The following SEMA4F variants were observed in gnomAD, a reference collection of about 807,000 sequenced individuals.
The protein encoded by SEMA4F is ssemaphorin 4F.
Under a neutral mutation model 78.4 loss-of-function variants are expected in SEMA4F, and 51 were observed. The observed-to-expected ratio is 0.65, with a 90% confidence interval of 0.52 to 0.82. The LOEUF is 0.82. Among genes scored for constraint, SEMA4F ranks in the 40% least tolerant of loss-of-function variants. The pLI is 0.00. For missense variants in SEMA4F, 938 were observed against 1,014.4 expected, an observed-to-expected ratio of 0.92 and a Z score of 1.02; for synonymous variants, 418 against 408.7, an observed-to-expected ratio of 1.02 and a Z score of -0.27.
chr2:74,660,048 A>T lies in SEMA4F; in HGVS notation c.456+2097A>T, dbSNP rs10203653. On this transcript the variant is annotated intron_variant, in intron 4 of 13. Coordinates refer to ENST00000357877, the MANE Select transcript of SEMA4F (RefSeq NM_004263.5). ...AAATGTTAGACTTCTAACAACAACA[A>T]CAACAAACAGCAACAATGACAACCA... 9.0e-3 allele frequency among the ~76,000 whole-genome samples: 1,375 copies of T among 152,320 alleles called. 28 individuals are homozygous for T. Among genetic ancestry groups the T allele is most frequent in the African/African-American group, 0.031 (1,279 of 41,570 alleles).
chr2:74,678,311 C>T (rs931954255), intron 12 of SEMA4F, among the ~76,000 whole-genome samples: 5 of 152,068 alleles, frequency 3.3e-5, no homozygotes, highest in African/African-American at 7.2e-5. Flanking sequence ...TTCTTGTGTA[C>T]ATTGCCCATA....
Position 74,679,290 on chromosome 2 carries a change from TAG to T in SEMA4F, c.1661_1662del (p.Glu554ValfsTer10), listed in dbSNP as rs1488977760. The T allele has an allele frequency of 1.9e-6, 3 of 1,613,348 alleles. No individual in the cohort carries two copies. Among genetic ancestry groups the T allele is most frequent in the Admixed American group, 3.3e-5 (2 of 60,022 alleles). ...CTTCTTTATAGGTTGGTCCAAGACA[TAG>T]AGTCAGCAGATGTCTCCTCTTTGTG... On this transcript the variant is annotated frameshift_variant, in exon 13 of 14. Coordinates refer to ENST00000357877, the MANE Select transcript of SEMA4F (RefSeq NM_004263.5). LOFTEE classifies it high-confidence loss of function.
chr2:74,700,867 T>C, the SEMA4F span, among the ~76,000 whole-genome samples: 1 of 152,202 alleles, frequency 6.6e-6, no homozygotes, highest in East Asian at 1.9e-4. Flanking sequence ...TTCTTGTGCT[T>C]GAGGTCTCTG....
At chr2:74,676,272 G>T (rs937267921) in intron 12 of SEMA4F, among the ~76,000 whole-genome samples, 2 of 152,070 alleles carry the variant, frequency 1.3e-5, no homozygotes, top group African/African-American at 4.8e-5. Flanking sequence ...GCATTCTTTG[G>T]TCTCCTTTAC....
At chr2:74,669,974 A>ATATATACTTATTTT (rs1437820551) in intron 5 of SEMA4F, among the ~76,000 whole-genome samples, 2 of 152,302 alleles carry the variant, frequency 1.3e-5, no homozygotes, top group Non-Finnish European at 2.9e-5. Flanking sequence ...GCTTGCAGGC[A>ATATATACTTATTTT]TATATACTTA....
In SEMA4F at chr2:74,673,789, C is replaced by T. The variant is rs146708517; in HGVS notation, c.783C>T (p.Tyr261=). ...AGACTTCCCGAGCATTTGACTCATA[C>T]GAGCGCATTAAAGTCCCACGGGTGG... ...FTETSRAFDS[Y]ERIKVPRVAR... Residue 261 remains tyrosine (Y), a synonymous_variant, in exon 7 of 14, where the codon TAC becomes TAT. Transcript: ENST00000357877. 2.7e-5 allele frequency: 43 copies of T among 1,614,050 alleles called. No homozygotes were observed. The highest frequency in any genetic ancestry group is 1.7e-4 in the African/African-American group (13 of 74,924).
chr2:74,665,661 A>G lies in SEMA4F; in HGVS notation c.550+2836A>G, dbSNP rs536910375. On this transcript the variant is annotated intron_variant, in intron 5 of 13. Transcript: ENST00000357877. The stretch of plus-strand genomic sequence containing the variant: ...TGAGTTGTCATGATTATCATTATCT[A>G]TTGTTGAAATTGATGAGACCTTCCT... 1.0e-3 allele frequency among the ~76,000 whole-genome samples: 152 copies of G among 152,302 alleles called. 1 individual carries two copies. The highest frequency in any genetic ancestry group is 3.5e-3 in the African/African-American group (145 of 41,562).
Position 74,674,487 on chromosome 2 carries a change from T to C in SEMA4F, c.823-11T>C, listed in dbSNP as rs1215270799. On this transcript the variant is annotated splice_polypyrimidine_tract_variant and intron_variant, in intron 7 of 13. Coordinates refer to ENST00000357877, the MANE Select transcript of SEMA4F (RefSeq NM_004263.5). ...ATCTAAAGAGAACCTCCCATGTGTT[T>C]GTCACCCCAGGGGGACCTCGGGGGC... The C allele has an allele frequency of 3.7e-6, 6 of 1,603,672 alleles. No homozygotes were observed. The highest frequency in any genetic ancestry group is 5.1e-6 in the Non-Finnish European group (6 of 1,175,194).
rs140398394 is a variant in SEMA4F at position 74,654,583 on chromosome 2, G to A, written c.145+62G>A. On this transcript the variant is annotated intron_variant, in intron 1 of 13. Coordinates refer to ENST00000357877, the MANE Select transcript of SEMA4F (RefSeq NM_004263.5). ...CCCACACCCACACCCACACCCACCT[G>A]CTCCTCAGACCGCTCGGCCGGACCC... 6.0e-3 allele frequency: 8,457 copies of A among 1,404,926 alleles called. 38 individuals carry two copies. Among genetic ancestry groups the A allele is most frequent in the Non-Finnish European group, 6.5e-3 (6,860 of 1,061,230 alleles). The allele number at this position is 1,404,926 out of a possible 1,614,324, so 87.0% of individuals were successfully genotyped here.
the SEMA4F span, among the ~76,000 whole-genome samples, chr2:74,695,497 G>A: frequency 6.6e-6 from 1 of 152,112 alleles, no homozygotes. Flanking sequence ...ATGGATTTCT[G>A]TTATCCCTAC....
chr2:74,691,843 AT>A, the SEMA4F span, among the ~76,000 whole-genome samples: 22 of 152,130 alleles, frequency 1.4e-4, no homozygotes, highest in South Asian at 6.2e-4. Flanking sequence ...TTATGCCAAT[AT>A]TTTTCAGAGT....
At chr2:74,672,397 G>A (rs894629781) in intron 5 of SEMA4F, among the ~76,000 whole-genome samples, 1 of 152,176 alleles carries the variant, frequency 6.6e-6, no homozygotes, top group Non-Finnish European at 1.5e-5. Flanking sequence ...GTGCCTCCCG[G>A]AATCTGATTA....
chr2:74,694,471 A>G, the SEMA4F span, among the ~76,000 whole-genome samples: 1 of 152,162 alleles, frequency 6.6e-6, no homozygotes, highest in Non-Finnish European at 1.5e-5. Context: ...GAAGTAGTAA[A>G]TGCAGAGTTT....
At chr2:74,690,318 G>T in the SEMA4F span, among the ~76,000 whole-genome samples, 5 of 152,184 alleles carry the variant, frequency 3.3e-5, no homozygotes, top group African/African-American at 1.2e-4. Context: ...CAAACTGTTA[G>T]CAATGGTCAC....
chr2:74,698,441 G>A, the SEMA4F span, among the ~76,000 whole-genome samples: 219 of 152,258 alleles, frequency 1.4e-3, 1 homozygote, highest in Middle Eastern at 0.02. Flanking sequence ...GCTGTAAGTG[G>A]GAGCTATCCT....
Position 74,683,172 on chromosome 2 carries a change from G to T in SEMA4F, c.*2963G>T, listed in dbSNP as rs887014391. The T allele has an allele frequency of 6.6e-6, 1 of 152,160 alleles. No homozygotes were observed. The highest frequency in any genetic ancestry group is 2.4e-5 in the African/African-American group (1 of 41,448). 9.4% of individuals were successfully genotyped at this position (152,160 alleles called of 1,614,324 possible). A position where few individuals can be genotyped will look rare whatever the true frequency, so the allele number is the denominator to read the frequency against. ...CTGGGTACATTTGTAAGACAGCAGG[G>T]ATTCTCTGAAGATTAATGATTGAGA... On this transcript the variant is annotated 3_prime_UTR_variant, in exon 14 of 14. Coordinates refer to ENST00000357877, the MANE Select transcript of SEMA4F (RefSeq NM_004263.5).
the SEMA4F span, among the ~76,000 whole-genome samples, chr2:74,703,043 C>T: frequency 1.3e-5 from 2 of 152,136 alleles, no homozygotes; most frequent in Admixed American, 6.5e-5. Context: ...AGGCACTGCT[C>T]TAAATGCTGA....
downstream of SEMA4F, among the ~76,000 whole-genome samples, chr2:74,684,346 A>G (rs777444751): frequency 6.6e-6 from 1 of 152,162 alleles, no homozygotes; most frequent in Non-Finnish European, 1.5e-5. Flanking sequence ...TAGCCAGGGC[A>G]GGCTTTGCTA....
Position 74,657,618 on chromosome 2 carries a change from G to C in SEMA4F, c.351G>C (p.Lys117Asn). 1 of 1,614,172 alleles carries C rather than the reference G, an allele frequency of 6.2e-7. No homozygotes were observed. The highest frequency in any genetic ancestry group is 8.5e-7 in the Non-Finnish European group (1 of 1,179,990). ...GACAGAACTGTAGGAAGAAAGGCAA[G>C]AAAGAGGTAGGTGTAAATCTGAGCC... ...AHRQNCRKKGKKEDECHNFVQ... is the reference protein window; with the variant it reads ...AHRQNCRKKGNKEDECHNFVQ... The change falls in exon 3 of 14, where the codon AAG (lysine) becomes AAC (asparagine). Residue 117 changes from lysine to asparagine, a missense_variant. Physicochemically the swap from Lys to Asn is moderately conservative, Grantham distance 94. Coordinates refer to ENST00000357877, the MANE Select transcript of SEMA4F (RefSeq NM_004263.5).
Sources: gnomAD v4.1 joint callset for allele counts (sites outside exome capture counted in the v4.1 genomes callset) on GRCh38, gnomAD v4.1.1 for gene constraint, MANE v1.5 for transcripts, NCBI Gene and HGNC (gene_info 2026-07-23, HGNC 2026-07-21) for gene names.